Variants in PAPPA2 observed in about 807,000 individuals in gnomAD.
PAPPA2 encodes the protein pappalysin 2.
PAPPA2 carries 86 observed loss-of-function variants against 176.4 expected under a neutral mutation model. The observed-to-expected ratio is 0.49, with a 90% confidence interval of 0.41 to 0.58. PAPPA2 has a LOEUF of 0.58. Among genes scored for constraint, PAPPA2 ranks in the 20% least tolerant of loss-of-function variants. The pLI is 0.00. For missense variants in PAPPA2, 2,073 were observed against 2,256.9 expected (o/e 0.92, Z 1.65); for synonymous variants, 809 against 852.2 (o/e 0.95, Z 0.88).
Position 176,747,402 on chromosome 1 carries a change from A to G in PAPPA2, c.4151+7206A>G, listed in dbSNP as rs570427777. Among the ~76,000 whole-genome samples the G allele has an allele frequency of 8.5e-5, 13 of 152,340 alleles. No individual in the cohort carries two copies. In the South Asian group the frequency reaches 1.9e-3, roughly 22 times the overall value. On this transcript the variant is annotated intron_variant, in intron 14 of 22. Coordinates refer to ENST00000367662, the MANE Select transcript of PAPPA2 (RefSeq NM_020318.3). ...TTTGGGAAAGTGTAGGAAATATGCA[A>G]TTCAGATTAGGGCAATTTTATGGGC...
At chr1:176,670,867 A>T (rs1192005943) in intron 3 of PAPPA2, 103 bp from the exon 4 acceptor site, 2 of 1,452,290 alleles carry the variant, frequency 1.4e-6, no homozygotes, top group East Asian at 4.6e-5. Flanking sequence ...CCAAAAGGTA[A>T]TGCTGGCTGG....
intron 2 of PAPPA2, among the ~76,000 whole-genome samples, chr1:176,573,511 G>A (rs898578631): frequency 6.6e-6 from 1 of 152,128 alleles, no homozygotes; most frequent in Non-Finnish European, 1.5e-5. Flanking sequence ...GTCCTTGAAG[G>A]TTATTAAAAA....
chr1:176,811,235 A>G (rs901382417), intron 21 of PAPPA2, among the ~76,000 whole-genome samples: 1 of 152,226 alleles, frequency 6.6e-6, no homozygotes, highest in African/African-American at 2.4e-5. Flanking sequence ...TGCATAAAAA[A>G]ACCAATGTTC....
Position 176,842,637 on chromosome 1 carries a change from C to T in PAPPA2, c.*183C>T. 1 of 589,560 alleles carries T rather than the reference C, an allele frequency of 1.7e-6. No homozygotes were observed. Among genetic ancestry groups the T allele is most frequent in the Non-Finnish European group, 2.9e-6 (1 of 339,426 alleles). 36.5% of individuals were successfully genotyped at this position (589,560 alleles called of 1,614,324 possible). On this transcript the variant is annotated 3_prime_UTR_variant, in exon 23 of 23. Transcript: ENST00000367662. ...AGGTGTGAACTAGTTCATCAAGTAG[C>T]CCAAGTAGGAGAGAATCATAGGCAA... is the stretch of plus-strand genomic sequence containing the variant.
At position 176,636,060 on chromosome 1, in the gene PAPPA2, C is replaced by T. The variant is rs779645164; in HGVS notation, c.1992-34910C>T. 3.9e-5 allele frequency among the ~76,000 whole-genome samples: 6 copies of T among 152,172 alleles called. No individual in the cohort carries two copies. The South Asian group carries it at 8.3e-4, about 21-fold the overall frequency. ...TAAATAACATGAAACAGCTATTCTT[C>T]GATGTTCTTTCCTCCCTCTGTGGCA... On this transcript the variant is annotated intron_variant, in intron 3 of 22. Transcript: ENST00000367662.
chr1:176,792,399 C>T (rs1012917860), intron 19 of PAPPA2, among the ~76,000 whole-genome samples: 1 of 152,220 alleles, frequency 6.6e-6, no homozygotes, highest in Non-Finnish European at 1.5e-5. Flanking sequence ...TTAGGAAGCT[C>T]ATTGCCATCT....
chr1:176,523,190 T>C (rs112669672), intron 1 of PAPPA2, among the ~76,000 whole-genome samples: 145 of 152,326 alleles, frequency 9.5e-4, no homozygotes, highest in African/African-American at 3.3e-3. Context: ...TAGCATCTTT[T>C]TGTGAAGTCT....
At chr1:176,689,695 A>T (rs142558074) in intron 4 of PAPPA2, among the ~76,000 whole-genome samples, 2 of 152,278 alleles carry the variant, frequency 1.3e-5, no homozygotes, top group African/African-American at 4.8e-5. Context: ...CTTGACTCCA[A>T]ATCCCATGGG....
intron 17 of PAPPA2, among the ~76,000 whole-genome samples, chr1:176,774,080 T>C (rs1390298758): frequency 6.6e-6 from 1 of 152,200 alleles, no homozygotes; most frequent in Non-Finnish European, 1.5e-5. Context: ...AAACTCTTCT[T>C]CCTTGATTCT....
At chr1:176,640,378 T>G (rs993831017) in intron 3 of PAPPA2, among the ~76,000 whole-genome samples, 2 of 128,118 alleles carry the variant, frequency 1.6e-5, no homozygotes, top group African/African-American at 2.9e-5. Flanking sequence ...GAGTGTGATG[T>G]TCCCCTTCCT....
chr1:176,722,074 C>A (rs182275401), intron 12 of PAPPA2, among the ~76,000 whole-genome samples: 47 of 152,150 alleles, frequency 3.1e-4, no homozygotes, highest in Non-Finnish European at 1.6e-4. Flanking sequence ...CTTTAGAATG[C>A]CTATTCAATT....
At chr1:176,682,840 A>G (rs1659650728) in intron 4 of PAPPA2, among the ~76,000 whole-genome samples, 1 of 152,058 alleles carries the variant, frequency 6.6e-6, no homozygotes, top group Non-Finnish European at 1.5e-5. Flanking sequence ...TGTGGACAGC[A>G]TGTTTTGAGG....
At chr1:176,517,035 A>T (rs58395400) in intron 1 of PAPPA2, among the ~76,000 whole-genome samples, 1 of 152,170 alleles carries the variant, frequency 6.6e-6, no homozygotes, top group Admixed American at 6.5e-5. Context: ...TAAAATTTCA[A>T]TGTGACCAAT....
At chr1:176,560,240 T>C (rs1432402441) in intron 2 of PAPPA2, among the ~76,000 whole-genome samples, 1 of 152,194 alleles carries the variant, frequency 6.6e-6, no homozygotes, top group East Asian at 1.9e-4. Flanking sequence ...CTTTAGCAAC[T>C]AGTAAAGAAA....
chr1:176,751,508 A>C, intron 14 of PAPPA2, among the ~76,000 whole-genome samples: 1 of 113,538 alleles, frequency 8.8e-6, no homozygotes. Flanking sequence ...AAAAACAAAC[A>C]ACCCCATCAA....
At chr1:176,742,966 ACCTGATTGGCCCAC>A (rs1662752513) in intron 14 of PAPPA2, among the ~76,000 whole-genome samples, 1 of 152,056 alleles carries the variant, frequency 6.6e-6, no homozygotes, top group Non-Finnish European at 1.5e-5. Context: ...TTTAAAACCA[ACCTGATTGGCCCAC>A]AGAATCTCAG....
chr1:176,562,749 G>A (rs574431590), intron 2 of PAPPA2, among the ~76,000 whole-genome samples: 4 of 152,234 alleles, frequency 2.6e-5, no homozygotes, highest in Non-Finnish European at 5.9e-5. Context: ...TGTGTGAACA[G>A]GGCATAGCCC....
chr1:176,717,012 A>G (rs774871851), intron 12 of PAPPA2, among the ~76,000 whole-genome samples: 18 of 152,168 alleles, frequency 1.2e-4, no homozygotes, highest in Non-Finnish European at 2.1e-4. Context: ...CCCTTAGGCC[A>G]GCTGTCCAAA....
intron 2 of PAPPA2, among the ~76,000 whole-genome samples, chr1:176,572,973 GA>G (rs1301643993): frequency 6.6e-6 from 1 of 152,142 alleles, no homozygotes; most frequent in African/African-American, 2.4e-5. Flanking sequence ...TTCTGAGAGG[GA>G]TCTCAAAATT....
Sources: gnomAD v4.1 joint callset for allele counts (sites outside exome capture counted in the v4.1 genomes callset) on GRCh38, gnomAD v4.1.1 for gene constraint, MANE v1.5 for transcripts, NCBI Gene and HGNC (gene_info 2026-07-23, HGNC 2026-07-21) for gene names.